IL17RC: variants seen among roughly 807,000 people sequenced by gnomAD.
IL17RC encodes interleukin-17 receptor C.
A neutral mutation model predicts 86.7 loss-of-function variants in IL17RC; 53 were observed. The ratio of observed to expected loss-of-function variants is 0.61; its 90% CI spans 0.49 to 0.77. IL17RC has a LOEUF of 0.77. Among genes scored for constraint, IL17RC ranks in the 30% least tolerant of loss-of-function variants. The pLI is 0.00. For missense variants in IL17RC, 957 were observed against 940.0 expected (o/e 1.02, Z -0.24); for synonymous variants, 439 against 413.1 (o/e 1.06, Z -0.76).
Position 9,930,445 on chromosome 3 carries a change from G to C in IL17RC, c.1324G>C (p.Gly442Arg). 1 of 1,614,066 alleles carries C rather than the reference G, an allele frequency of 6.2e-7. No homozygotes were observed. Among genetic ancestry groups the C allele is most frequent in the South Asian group, 1.1e-5 (1 of 91,086 alleles). ...GEYLLQDLQS[G>R]QCLQLWDDDL... ...GTACTTACTACAAGACCTGCAGTCA[G>C]GCCAGTGTCTGCAGGTGAGCTGGTG... Residue 442 changes from glycine to arginine, a missense_variant, in exon 15 of 19, where the codon GGC becomes CGC. Coordinates refer to ENST00000403601, the MANE Select transcript of IL17RC (RefSeq NM_153460.4). The surrounding 1 kb of genome is among the most constrained non-coding windows in gnomAD (Gnocchi z 5.8).
rs569325355 is a variant in IL17RC at position 9,921,346 on chromosome 3, T to G, written c.622+377T>G. 2.0e-4 allele frequency among the ~76,000 whole-genome samples: 31 copies of G among 152,042 alleles called. 1 individual carries two copies. In the South Asian group the frequency reaches 5.8e-3, roughly 29 times the overall value. On this transcript the variant is annotated intron_variant, in intron 7 of 18. Coordinates refer to ENST00000403601, the MANE Select transcript of IL17RC (RefSeq NM_153460.4). ...GGTGTGCATTTGTGGTCCCAGCTAC[T>G]CAGGAGGCTGAGGCAGGAGAATCAC...
Position 9,930,348 on chromosome 3 carries a change from C to A in IL17RC, c.1279-52C>A. Reference sequence around the variant, plus strand: ...CCCAGCTGTAGCCTGGTAGGTGCTGCCCTAAGGGTGCTACCTCCAGGTAAC... The same window carrying A: ...CCCAGCTGTAGCCTGGTAGGTGCTGACCTAAGGGTGCTACCTCCAGGTAAC... On this transcript the variant is annotated intron_variant, in intron 14 of 18. Transcript: ENST00000403601. The surrounding 1 kb of genome is among the most constrained non-coding windows in gnomAD (Gnocchi z 5.8). 1 of 1,603,476 alleles carries A rather than the reference C, an allele frequency of 6.2e-7. No homozygotes were observed. Among genetic ancestry groups the A allele is most frequent in the Non-Finnish European group, 8.5e-7 (1 of 1,170,894 alleles).
In IL17RC at chr3:9,931,568, G is replaced by A. The variant is rs963039914; in HGVS notation, c.1387+625G>A. ...GTTGCCCAGGCTGGAGTGCAATGGC[G>A]CGATCTCGGCTAACTGCAACCTCTG... On this transcript the variant is annotated intron_variant, in intron 16 of 18. Transcript: ENST00000403601. Among the ~76,000 whole-genome samples, 8 of 150,820 alleles carry A rather than the reference G, an allele frequency of 5.3e-5. No homozygotes were observed. In the East Asian group the frequency reaches 7.7e-4, roughly 15 times the overall value.
chr3:9,917,271 G>GT lies in IL17RC; in HGVS notation c.-45_-44insT. 1.3e-6 allele frequency: 2 copies of GT among 1,521,112 alleles called. No homozygotes were observed. Among genetic ancestry groups the GT allele is most frequent in the Non-Finnish European group, 1.8e-6 (2 of 1,119,498 alleles). The allele number at this position is 1,521,112 out of a possible 1,614,324, so 94.2% of individuals were successfully genotyped here. On this transcript the variant is annotated 5_prime_UTR_variant, in exon 1 of 19. Transcript: ENST00000403601. Reference sequence around the variant, plus strand: ...GGGGTGTCTGCCCCCCTTGGGGGGGGGCAGCACAGGGCCTCAGGCCTGGGT... The same window carrying GT: ...GGGGTGTCTGCCCCCCTTGGGGGGGGTGCAGCACAGGGCCTCAGGCCTGGGT...
intron 12 of IL17RC, chr3:9,929,431 T>G (rs923414688): frequency 9.6e-6 from 2 of 207,642 alleles, no homozygotes; most frequent in African/African-American, 4.6e-5. Flanking sequence ...CTCATAGAAC[T>G]TATATTGTAA....
chr3:9,923,069 G>C (rs1225833066), intron 7 of IL17RC, among the ~76,000 whole-genome samples: 2 of 151,694 alleles, frequency 1.3e-5, no homozygotes, highest in Non-Finnish European at 2.9e-5. Flanking sequence ...CCAGCTACTC[G>C]GGAGCCTGAG....
rs780397097 is a variant in IL17RC, at chr3:9,917,737, A to G, written c.127+3A>G. On this transcript the variant is annotated splice_donor_region_variant and intron_variant, in intron 2 of 18. Transcript: ENST00000403601. ...GGGCCTCTCCTGCCGCCTCTGGGGT[A>G]AGTATCCCTACTTTTAAAAAGAATT... The G allele has an allele frequency of 1.2e-6, 2 of 1,613,606 alleles. No individual in the cohort carries two copies. The highest frequency in any genetic ancestry group is 2.2e-5 in the South Asian group (2 of 91,072).
chr3:9,918,180 C>A, intron 3 of IL17RC, 105 bp downstream of exon 3: 3 of 1,370,944 alleles, frequency 2.2e-6, no homozygotes, highest in Non-Finnish European at 3.0e-6. Context: ...CCTCAGTGTT[C>A]TCCTGGAGGA....
intron 16 of IL17RC, among the ~76,000 whole-genome samples, chr3:9,931,531 G>A (rs1057486356): frequency 2.0e-5 from 3 of 147,052 alleles, no homozygotes; most frequent in African/African-American, 5.1e-5. Flanking sequence ...TTTTGAGGCA[G>A]AGTCTCACTC....
At position 9,930,585 on chromosome 3, in the gene IL17RC, C is replaced by T; in HGVS notation, c.1338+126C>T. The T allele has an allele frequency of 1.1e-6, 1 of 929,762 alleles. No homozygotes were observed. The highest frequency in any genetic ancestry group is 1.7e-6 in the Non-Finnish European group (1 of 599,782). The allele number at this position is 929,762 out of a possible 1,614,324, so 57.6% of individuals were successfully genotyped here. The stretch of plus-strand genomic sequence containing the variant: ...CTGGGAAAGTTAAGAGTAGAAGAAG[C>T]ACAGTTCCTATCCCCAAGGAGCACA... On this transcript the variant is annotated intron_variant, in intron 15 of 18. Transcript: ENST00000403601. This position sits in a 1 kb window ranked among gnomAD's most constrained non-coding sequence, Gnocchi z 5.8.
chr3:9,930,508 C>A lies in IL17RC; in HGVS notation c.1338+49C>A. On this transcript the variant is annotated intron_variant, in intron 15 of 18. Coordinates refer to ENST00000403601, the MANE Select transcript of IL17RC (RefSeq NM_153460.4). The surrounding 1 kb of genome is among the most constrained non-coding windows in gnomAD (Gnocchi z 5.8). Reference sequence around the variant, plus strand: ...CACCTCAATGCCTAGGGGCAACAGGCCTAAAACTAGCACTCACCTACTGTC... The same window carrying A: ...CACCTCAATGCCTAGGGGCAACAGGACTAAAACTAGCACTCACCTACTGTC... The A allele has an allele frequency of 1.9e-6, 3 of 1,561,882 alleles. No homozygotes were observed. Among genetic ancestry groups the A allele is most frequent in the Non-Finnish European group, 1.8e-6 (2 of 1,134,502 alleles).
rs1186845436 is a variant in IL17RC, at chr3:9,933,358, T to C, written c.1928T>C (p.Val643Ala). ...GACAGGCTGCTCCACCCGGACGCCG[T>C]ACCCGCCCTTTTCCGCACCGTGCCC... Reference protein sequence around the residue: ...CFDRLLHPDAVPALFRTVPVF... With the variant: ...CFDRLLHPDAAPALFRTVPVF... The change falls in exon 19 of 19, where the codon GTA (valine) becomes GCA (alanine). Residue 643 changes from valine (V) to alanine (A), a missense_variant. Physicochemically the swap from Val to Ala is moderately conservative, Grantham distance 64. Transcript: ENST00000403601. The C allele has an allele frequency of 6.2e-7, 1 of 1,611,860 alleles. No homozygotes were observed. The highest frequency in any genetic ancestry group is 1.7e-5 in the Admixed American group (1 of 59,896).
intron 9 of IL17RC, among the ~76,000 whole-genome samples, chr3:9,925,154 C>T (rs186475087): frequency 2.9e-3 from 406 of 141,254 alleles, no homozygotes; most frequent in African/African-American, 0.01. Flanking sequence ...CTTTCTCTGT[C>T]GCCCAGGCTG....
intron 9 of IL17RC, among the ~76,000 whole-genome samples, chr3:9,926,031 C>CTTT (rs5846649): frequency 2.2e-5 from 2 of 89,780 alleles, no homozygotes; most frequent in African/African-American, 9.2e-5. Context: ...TAATTGTTTC[C>CTTT]TTTTTTTTTT....
chr3:9,931,948 C>CA (rs1230719029), intron 16 of IL17RC, among the ~76,000 whole-genome samples: 1 of 151,320 alleles, frequency 6.6e-6, no homozygotes, highest in Non-Finnish European at 1.5e-5. Context: ...AAGGGCCCAG[C>CA]AACCCTAGCT....
Position 9,930,397 on chromosome 3 carries a change from C to G in IL17RC, c.1279-3C>G. ...ACAGTGCCCCCATCCTTTGGCTTGGCAGAGGGCAGCTCGCCTTGGAGAGTA... is the reference window on the plus strand; with the variant it reads ...ACAGTGCCCCCATCCTTTGGCTTGGGAGAGGGCAGCTCGCCTTGGAGAGTA... On this transcript the variant is annotated splice_polypyrimidine_tract_variant and splice_region_variant and intron_variant, in intron 14 of 18. Coordinates refer to ENST00000403601, the MANE Select transcript of IL17RC (RefSeq NM_153460.4). The surrounding 1 kb of genome is among the most constrained non-coding windows in gnomAD (Gnocchi z 5.8). 6.2e-7 allele frequency: 1 copy of G among 1,613,958 alleles called. No homozygotes were observed. Among genetic ancestry groups the G allele is most frequent in the Non-Finnish European group, 8.5e-7 (1 of 1,179,978 alleles).
intron 12 of IL17RC, chr3:9,928,884 G>A (rs2125259043): frequency 1.9e-6 from 1 of 517,202 alleles, no homozygotes; most frequent in South Asian, 3.1e-5. Flanking sequence ...AATGAAATAA[G>A]AGAAGTGCTT....
Position 9,928,335 on chromosome 3 carries a change from CCGCCCGA to C in IL17RC, c.910_916del (p.Ala304CysfsTer4). On this transcript the variant is annotated frameshift_variant, in exon 11 of 19. Coordinates refer to ENST00000403601, the MANE Select transcript of IL17RC (RefSeq NM_153460.4). LOFTEE classifies it high-confidence loss of function. ...CGCGCACACCAGAACCTCTGGCAAGCCGCCCGACTGCAACTGCTGACCCTGCAGAGCT... is the reference window on the plus strand; with the variant it reads ...CGCGCACACCAGAACCTCTGGCAAGCCTGCAACTGCTGACCCTGCAGAGCT... 1 of 1,603,530 alleles carries C rather than the reference CCGCCCGA, an allele frequency of 6.2e-7. No individual in the cohort carries two copies. The highest frequency in any genetic ancestry group is 1.1e-5 in the South Asian group (1 of 90,338).
intron 13 of IL17RC, 35 bp from the exon 14 acceptor site, chr3:9,929,993 G>A (rs748043635): frequency 1.2e-6 from 2 of 1,613,756 alleles, no homozygotes; most frequent in Admixed American, 3.3e-5. Context: ...CAGCAAGGAT[G>A]GGTCTTGGTC....
Sources: gnomAD v4.1 joint callset for allele counts (sites outside exome capture counted in the v4.1 genomes callset) on GRCh38, gnomAD v4.1.1 for gene constraint, Gnocchi (gnomAD v3.1) non-coding constraint, MANE v1.5 for transcripts, NCBI Gene and HGNC (gene_info 2026-07-23, HGNC 2026-07-21) for gene names.